Variants in MAGI2 observed in about 807,000 individuals in gnomAD.
MAGI2 encodes the protein membrane associated guanylate kinase, WW and PDZ domain containing 2.
Under a neutral mutation model 133.3 loss-of-function variants are expected in MAGI2, and 35 were observed. The ratio of observed to expected loss-of-function variants is 0.26; its 90% CI spans 0.20 to 0.35. MAGI2 has a LOEUF of 0.35. Ranked by LOEUF, MAGI2 falls within the 10% of genes least tolerant of loss-of-function variation. The pLI is 1.00. For missense variants in MAGI2, 1,636 were observed against 1,863.4 expected, an observed-to-expected ratio of 0.88 and a Z score of 2.25; for synonymous variants, 729 against 710.6, an observed-to-expected ratio of 1.03 and a Z score of -0.41.
At chr7:79,186,191 A>AATATAT (rs60719172) in intron 1 of MAGI2, among the ~76,000 whole-genome samples, 348 of 111,512 alleles carry the variant, frequency 3.1e-3, no homozygotes, top group South Asian at 6.6e-3. Flanking sequence ...TGCCTGGGAA[A>AATATAT]ATATATATAT....
intron 6 of MAGI2, among the ~76,000 whole-genome samples, chr7:78,455,963 T>C (rs948176620): frequency 7.0e-6 from 1 of 143,160 alleles, no homozygotes; most frequent in African/African-American, 2.9e-5. Flanking sequence ...TTGAACTACT[T>C]TAAAGAGACC....
chr7:79,235,504 T>C (rs960177712), intron 1 of MAGI2, among the ~76,000 whole-genome samples: 1 of 152,262 alleles, frequency 6.6e-6, no homozygotes, highest in South Asian at 2.1e-4. Context: ...TGGTGTGCCG[T>C]TTTTTAAGCG....
chr7:79,208,328 A>T (rs1043271586), intron 1 of MAGI2, among the ~76,000 whole-genome samples: 9 of 151,942 alleles, frequency 5.9e-5, no homozygotes, highest in African/African-American at 2.2e-4. Flanking sequence ...TACTCAAACA[A>T]CTCAACAGCA....
rs372421549 is a variant in MAGI2, at chr7:78,572,145, T to C, written c.539-50500A>G. 2.6e-5 allele frequency among the ~76,000 whole-genome samples: 4 copies of C among 152,174 alleles called. No homozygotes were observed. In the East Asian group the frequency reaches 7.7e-4, roughly 29 times the overall value. On this transcript the variant is annotated intron_variant, in intron 3 of 21. Transcript: ENST00000354212. ...CATCGATGGGGAAAATAAATGTCTT[T>C]ATTTTGCTGCTTGTGGTCATTTCGT...
chr7:79,132,105 T>C (rs1224911545), intron 1 of MAGI2, among the ~76,000 whole-genome samples: 3 of 152,132 alleles, frequency 2.0e-5, no homozygotes, highest in African/African-American at 7.2e-5. Flanking sequence ...TGATAAATGG[T>C]AATATCTTGC....
At chr7:78,159,581 G>A (rs1056833182) in intron 16 of MAGI2, among the ~76,000 whole-genome samples, 6 of 152,172 alleles carry the variant, frequency 3.9e-5, no homozygotes, top group Admixed American at 6.5e-5. Flanking sequence ...CAAGCTTGGC[G>A]TCCACCTTAA....
intron 1 of MAGI2, among the ~76,000 whole-genome samples, chr7:79,162,098 A>G (rs911496698): frequency 2.0e-5 from 3 of 152,088 alleles, no homozygotes; most frequent in Admixed American, 1.3e-4. Flanking sequence ...AAGGAAAAGC[A>G]TAACACATAG....
intron 6 of MAGI2, among the ~76,000 whole-genome samples, chr7:78,375,775 G>A (rs1338590304): frequency 1.0e-5 from 1 of 100,334 alleles, no homozygotes; most frequent in Non-Finnish European, 2.0e-5. Context: ...TATACAAACT[G>A]GGGAATATAA....
chr7:78,974,452 T>A (rs911597636), intron 2 of MAGI2, among the ~76,000 whole-genome samples: 2 of 151,922 alleles, frequency 1.3e-5, no homozygotes, highest in African/African-American at 4.8e-5. Context: ...CATATTCAAT[T>A]CAATCACACT....
chr7:78,862,087 A>C (rs957806847), intron 2 of MAGI2, among the ~76,000 whole-genome samples: 6 of 152,226 alleles, frequency 3.9e-5, no homozygotes, highest in Admixed American at 6.5e-5. Flanking sequence ...ATTACTGTTT[A>C]TGCTAAAGCA....
chr7:78,184,694 T>A (rs981047488), intron 13 of MAGI2: 2 of 152,202 alleles, frequency 1.3e-5, no homozygotes, highest in African/African-American at 2.4e-5. Flanking sequence ...CCTCCAACAT[T>A]TGTACAATAA....
chr7:78,363,649 C>A (rs926405823), intron 7 of MAGI2, among the ~76,000 whole-genome samples: 1 of 151,884 alleles, frequency 6.6e-6, no homozygotes, highest in African/African-American at 2.4e-5. Context: ...ATACTGTAAT[C>A]ATGAAAGTAT....
chr7:78,019,658 C>G lies in MAGI2; in HGVS notation c.4025G>C (p.Arg1342Thr). ...GGGCGCCCTGGCCTCCGAGGCGGGCCTGCCGGCCTCGGGCCGCCCCTGGCC... is the reference window on the plus strand; with the variant it reads ...GGGCGCCCTGGCCTCCGAGGCGGGCGTGCCGGCCTCGGGCCGCCCCTGGCC... The part of the protein sequence containing the change: ...PGGQGRPEAG[R>T]PASEARAPGL... The change falls in exon 22 of 22, where the codon AGG (arginine) becomes ACG (threonine). Residue 1342 changes from arginine (R) to threonine (T), a missense_variant. Coordinates refer to ENST00000354212, the MANE Select transcript of MAGI2 (RefSeq NM_012301.4). The G allele has an allele frequency of 4.9e-6, 6 of 1,236,102 alleles. No individual in the cohort carries two copies. In the South Asian group the frequency reaches 1.0e-4, roughly 21 times the overall value. The allele number at this position is 1,236,102 out of a possible 1,614,324, so 76.6% of individuals were successfully genotyped here.
chr7:78,605,087 G>A lies in MAGI2; in HGVS notation c.538+22033C>T, dbSNP rs571732850. Reference sequence around the variant, plus strand: ...GTGGAAGAGAAATAAGACTGGCTTCGTATTTTCAAAACATACCTCTAGATG... The same window carrying A: ...GTGGAAGAGAAATAAGACTGGCTTCATATTTTCAAAACATACCTCTAGATG... On this transcript the variant is annotated intron_variant, in intron 3 of 21. Transcript: ENST00000354212. 9.2e-5 allele frequency among the ~76,000 whole-genome samples: 14 copies of A among 152,290 alleles called. No individual in the cohort carries two copies. In the East Asian group the frequency reaches 1.2e-3, roughly 13 times the overall value.
chr7:78,368,696 GA>G (rs375286017), intron 7 of MAGI2, among the ~76,000 whole-genome samples: 46 of 151,898 alleles, frequency 3.0e-4, no homozygotes, highest in African/African-American at 1.1e-3. Context: ...CCAATGTACC[GA>G]AAGAATACTG....
At chr7:78,700,295 G>T (rs1264371543) in intron 2 of MAGI2, among the ~76,000 whole-genome samples, 1 of 152,100 alleles carries the variant, frequency 6.6e-6, no homozygotes, top group Non-Finnish European at 1.5e-5. Context: ...CATTGGAATT[G>T]TTATGAAACA....
At chr7:78,800,332 T>C (rs995366102) in intron 2 of MAGI2, among the ~76,000 whole-genome samples, 2 of 152,154 alleles carry the variant, frequency 1.3e-5, no homozygotes, top group Non-Finnish European at 2.9e-5. Context: ...GGATGAATTG[T>C]GATCCACATA....
rs543219642 is a variant in MAGI2 at position 79,222,881 on chromosome 7, G to T, written c.302-215675C>A. ...TCATTTCTTTTCTTTTTGTTTTTTT[G>T]TTTGTTTGTTTGTTTGTTTTTGAGA... On this transcript the variant is annotated intron_variant, in intron 1 of 21. Transcript: ENST00000354212. Among the ~76,000 whole-genome samples, 81 of 151,418 alleles carry T rather than the reference G, an allele frequency of 5.3e-4. 1 individual carries two copies. Among genetic ancestry groups the T allele is most frequent in the South Asian group, 4.0e-3 (19 of 4,800 alleles).
chr7:79,389,510 T>C (rs1585803870), intron 1 of MAGI2, among the ~76,000 whole-genome samples: 1 of 152,152 alleles, frequency 6.6e-6, no homozygotes. Context: ...TAGTAGCAAA[T>C]GCCACATCAT....
Sources: gnomAD v4.1 joint callset for allele counts (sites outside exome capture counted in the v4.1 genomes callset) on GRCh38, gnomAD v4.1.1 for gene constraint, MANE v1.5 for transcripts, NCBI Gene and HGNC (gene_info 2026-07-23, HGNC 2026-07-21) for gene names.